Variants in DLG2 observed in about 807,000 individuals in gnomAD.
The protein encoded by DLG2 is discs large MAGUK scaffold protein 2.
A neutral mutation model predicts 132.5 loss-of-function variants in DLG2; 45 were observed. The ratio of observed to expected loss-of-function variants is 0.34; its 90% CI spans 0.27 to 0.44. The LOEUF (loss-of-function observed/expected upper bound fraction) is 0.44, where lower values mean the gene tolerates loss of function less well. Among genes scored for constraint, DLG2 ranks in the 20% least tolerant of loss-of-function variants. The pLI is 1.00. For missense variants in DLG2, 1,045 were observed against 1,196.9 expected, an observed-to-expected ratio of 0.87 and a Z score of 1.87; for synonymous variants, 424 against 419.6, an observed-to-expected ratio of 1.01 and a Z score of -0.13.
chr11:84,407,103 C>T (rs2098856373), intron 7 of DLG2, among the ~76,000 whole-genome samples: 1 of 152,238 alleles, frequency 6.6e-6, no homozygotes, highest in East Asian at 1.9e-4. Context: ...CACCTCAGTC[C>T]CCACCTGGTG....
chr11:84,585,648 T>G (rs2099527895), intron 6 of DLG2, among the ~76,000 whole-genome samples: 4 of 152,258 alleles, frequency 2.6e-5, no homozygotes, highest in Admixed American at 1.3e-4. Flanking sequence ...AGCAGGCCAT[T>G]GTATTTAAGT....
At chr11:84,041,696 G>A (rs2096085444) in intron 11 of DLG2, among the ~76,000 whole-genome samples, 1 of 151,764 alleles carries the variant, frequency 6.6e-6, no homozygotes, top group African/African-American at 2.4e-5. Context: ...CTTTATAGTT[G>A]TACGCTTTCA....
chr11:85,115,951 T>C (rs2073506244), intron 5 of DLG2, among the ~76,000 whole-genome samples: 1 of 151,926 alleles, frequency 6.6e-6, no homozygotes, highest in Non-Finnish European at 1.5e-5. Flanking sequence ...GAAGTGGACA[T>C]GGAAGGACCC....
At chr11:84,938,859 TATAG>T (rs1448459007) in intron 6 of DLG2, among the ~76,000 whole-genome samples, 1 of 152,128 alleles carries the variant, frequency 6.6e-6, no homozygotes, top group Admixed American at 6.5e-5. Context: ...TTATCTAAAA[TATAG>T]ATAAATTATA....
At chr11:83,757,659 T>A (rs1269465950) in intron 18 of DLG2, among the ~76,000 whole-genome samples, 1 of 152,164 alleles carries the variant, frequency 6.6e-6, no homozygotes, top group Non-Finnish European at 1.5e-5. Context: ...CTTCTCTTGA[T>A]CTCAGGGTTG....
At chr11:83,780,243 C>T (rs555856861) in intron 18 of DLG2, among the ~76,000 whole-genome samples, 2 of 152,130 alleles carry the variant, frequency 1.3e-5, no homozygotes, top group Non-Finnish European at 2.9e-5. Context: ...CAGAAGGTGT[C>T]CATATTTTTC....
intron 6 of DLG2, among the ~76,000 whole-genome samples, chr11:84,683,047 T>C (rs1595682597): frequency 6.6e-6 from 1 of 152,144 alleles, no homozygotes; most frequent in East Asian, 1.9e-4. Context: ...TCTGAGTATA[T>C]TTGAGCAATG....
At chr11:84,272,887 C>A (rs967192323) in intron 7 of DLG2, among the ~76,000 whole-genome samples, 1 of 152,082 alleles carries the variant, frequency 6.6e-6, no homozygotes, top group Non-Finnish European at 1.5e-5. Flanking sequence ...TTAGTACATG[C>A]CACTATTAGA....
chr11:83,918,931 T>G lies in DLG2; in HGVS notation c.1496+11397A>C, dbSNP rs73508209. Among the ~76,000 whole-genome samples the G allele has an allele frequency of 4.8e-3, 736 of 152,288 alleles. 9 individuals carry two copies. The highest frequency in any genetic ancestry group is 0.017 in the African/African-American group (696 of 41,586). On this transcript the variant is annotated intron_variant, in intron 15 of 27. Coordinates refer to ENST00000376104, the MANE Select transcript of DLG2 (RefSeq NM_001142699.3). ...AGTTCTTAGAAGTCTAGCGTCAACA[T>G]GGAGCTCCAGTGTGGACAAGAGTGG...
At chr11:83,505,841 C>A (rs1427956438) in intron 21 of DLG2, among the ~76,000 whole-genome samples, 1 of 152,134 alleles carries the variant, frequency 6.6e-6, no homozygotes, top group East Asian at 1.9e-4. Context: ...TGGGTGGTAT[C>A]TGGATATCGT....
chr11:84,814,991 G>C (rs902842873), intron 6 of DLG2, among the ~76,000 whole-genome samples: 2 of 152,064 alleles, frequency 1.3e-5, no homozygotes, highest in Admixed American at 6.6e-5. Context: ...AGTATATGCT[G>C]AAAGAGAAGT....
At chr11:84,747,031 A>G (rs1271811176) in intron 6 of DLG2, among the ~76,000 whole-genome samples, 2 of 152,180 alleles carry the variant, frequency 1.3e-5, no homozygotes, top group Non-Finnish European at 2.9e-5. Context: ...AGAACCAAAC[A>G]CTGGCAAGGC....
chr11:84,909,312 A>C (rs2091850524), intron 6 of DLG2, among the ~76,000 whole-genome samples: 1 of 152,168 alleles, frequency 6.6e-6, no homozygotes, highest in Non-Finnish European at 1.5e-5. Flanking sequence ...CACTCTTTTT[A>C]ATTATCATAG....
intron 8 of DLG2, among the ~76,000 whole-genome samples, chr11:84,204,879 T>C (rs2096645547): frequency 6.6e-6 from 1 of 152,116 alleles, no homozygotes; most frequent in Non-Finnish European, 1.5e-5. Flanking sequence ...TTTTTTTGTA[T>C]GATTAGGAGA....
chr11:85,485,341 TTAAAGTA>T (rs2093405704), intron 3 of DLG2, among the ~76,000 whole-genome samples: 1 of 151,952 alleles, frequency 6.6e-6, no homozygotes, highest in Non-Finnish European at 1.5e-5. Context: ...ACCCTAAAAC[TTAAAGTA>T]TAATAACAAT....
intron 6 of DLG2, among the ~76,000 whole-genome samples, chr11:84,748,494 G>T (rs2065680951): frequency 6.6e-6 from 1 of 151,990 alleles, no homozygotes; most frequent in African/African-American, 2.4e-5. Flanking sequence ...ATGTATTTTT[G>T]GATTTATTTA....
At chr11:83,935,672 C>T (rs111788887) in intron 14 of DLG2, among the ~76,000 whole-genome samples, 2,038 of 152,174 alleles carry the variant, frequency 0.013, 41 homozygotes, top group African/African-American at 0.047. Context: ...TGCCTATTTG[C>T]GCCACGCTTA....
intron 4 of DLG2, among the ~76,000 whole-genome samples, chr11:85,170,276 G>C (rs1034914760): frequency 2.6e-5 from 4 of 152,162 alleles, no homozygotes; most frequent in Admixed American, 6.5e-5. Flanking sequence ...TGTTTGTTCA[G>C]ATTTTTTCCT....
intron 6 of DLG2, among the ~76,000 whole-genome samples, chr11:84,957,878 C>T (rs1004255266): frequency 2.6e-5 from 4 of 152,120 alleles, no homozygotes; most frequent in Admixed American, 2.0e-4. Flanking sequence ...ATACCATATT[C>T]ATTGGTTTGG....
Sources: allele counts gnomAD v4.1 joint callset (sites outside exome capture counted in the v4.1 genomes callset), GRCh38; gene constraint gnomAD v4.1.1; transcripts MANE v1.5; gene names NCBI Gene and HGNC (gene_info 2026-07-23, HGNC 2026-07-21).